The following CASP9 variants were observed in gnomAD, a reference collection of about 807,000 sequenced individuals.
CASP9 encodes the protein caspase 9.
In CASP9, 29 loss-of-function variants were observed where a neutral mutation model predicts 43.5. The ratio of observed to expected loss-of-function variants is 0.67; its 90% CI spans 0.50 to 0.91. CASP9 has a LOEUF of 0.91. CASP9 is among the 40% of genes least tolerant of loss of function. The pLI is 0.00. For missense variants in CASP9, 575 were observed against 537.4 expected, an observed-to-expected ratio of 1.07 and a Z score of -0.69; for synonymous variants, 206 against 211.9, an observed-to-expected ratio of 0.97 and a Z score of 0.24.
intron 6 of CASP9, among the ~76,000 whole-genome samples, chr1:15,501,781 T>TTATTTTG (rs1709341098): frequency 6.6e-6 from 1 of 152,168 alleles, no homozygotes; most frequent in South Asian, 2.1e-4. Context: ...TTTTTATTTT[T>TTATTTTG]TTAGAGACAG....
At chr1:15,504,452 C>T (rs1306067763) in intron 6 of CASP9, among the ~76,000 whole-genome samples, 159 bp downstream of exon 6, 3 of 152,324 alleles carry the variant, frequency 2.0e-5, no homozygotes, top group East Asian at 1.9e-4. Context: ...GGGCCTGCTC[C>T]AGCCAGACAG....
chr1:15,513,522 G>A (rs1709843746), intron 2 of CASP9, among the ~76,000 whole-genome samples: 1 of 152,070 alleles, frequency 6.6e-6, no homozygotes, highest in South Asian at 2.1e-4. Context: ...TCTCTGGTGG[G>A]TCCCCTAATG....
In CASP9 at chr1:15,504,654, C is replaced by T. The variant is rs373404655; in HGVS notation, c.825G>A (p.Leu275=). The change falls in exon 6 of 9, where the codon CTG becomes CTA. Residue 275 remains leucine, a synonymous_variant. Coordinates refer to ENST00000333868, the MANE Select transcript of CASP9 (RefSeq NM_001229.5). ...NIFNGTSCPS[L]GGKPKLFFIQ... Reference sequence around the variant, plus strand: ...TGAAAAAGAGCTTGGGCTTCCCTCCCAGGCTGGGGCAGCTGGTCCCATTGA... The same window carrying T: ...TGAAAAAGAGCTTGGGCTTCCCTCCTAGGCTGGGGCAGCTGGTCCCATTGA... 1.2e-6 allele frequency: 2 copies of T among 1,614,184 alleles called. No individual in the cohort carries two copies. The highest frequency in any genetic ancestry group is 8.5e-7 in the Non-Finnish European group (1 of 1,180,024).
chr1:15,517,985 T>A (rs778541797), intron 2 of CASP9, 125 bp downstream of exon 2: 5 of 1,187,874 alleles, frequency 4.2e-6, no homozygotes, highest in Admixed American at 2.0e-5. Context: ...TTGCCATCCC[T>A]ATGAACATTC....
At chr1:15,521,060 G>C (rs1046176286) in intron 1 of CASP9, among the ~76,000 whole-genome samples, 9 of 151,826 alleles carry the variant, frequency 5.9e-5, no homozygotes, top group African/African-American at 2.2e-4. Flanking sequence ...GGGAGGCTGA[G>C]GGAGGAGAAT....
chr1:15,520,770 G>A (rs547245778), intron 1 of CASP9, among the ~76,000 whole-genome samples: 5 of 152,298 alleles, frequency 3.3e-5, no homozygotes, highest in South Asian at 2.1e-4. Context: ...TGACCAACAC[G>A]GTGAAACCCG....
upstream of CASP9, chr1:15,524,829 A>C (rs1570887008): frequency 4.5e-6 from 4 of 882,538 alleles, no homozygotes; most frequent in African/African-American, 1.3e-4. Flanking sequence ...GCTCTGCGTC[A>C]TCGCCCCGCC....
Position 15,495,445 on chromosome 1 carries a change from T to C in CASP9, c.876A>G (p.Lys292=), listed in dbSNP as rs1709071639. The stretch of plus-strand genomic sequence containing the variant: ...TGGAGGCCACCTCAAACCCATGGTC[T>C]TTCTGCTCTGCAGGAAGCAGAAACA... The part of the protein sequence containing the change: ...FFIQACGGEQ[K]DHGFEVASTS... The change falls in exon 7 of 9, where the codon AAA becomes AAG. Residue 292 remains lysine, a synonymous_variant. Coordinates refer to ENST00000333868, the MANE Select transcript of CASP9 (RefSeq NM_001229.5). 1 of 1,588,854 alleles carries C rather than the reference T, an allele frequency of 6.3e-7. No individual in the cohort carries two copies. The highest frequency in any genetic ancestry group is 1.4e-5 in the African/African-American group (1 of 73,906).
chr1:15,508,021 G>A (rs1709591459), intron 2 of CASP9, 114 bp from the exon 3 acceptor site: 2 of 1,049,692 alleles, frequency 1.9e-6, no homozygotes, highest in Non-Finnish European at 2.9e-6. Context: ...CAGACCCTCA[G>A]ACTCTGCTGG....
At chr1:15,496,959 G>A (rs1709124322) in intron 6 of CASP9, among the ~76,000 whole-genome samples, 1 of 152,082 alleles carries the variant, frequency 6.6e-6, no homozygotes, top group Non-Finnish European at 1.5e-5. Context: ...AGGCTGCAGT[G>A]TGCAGTGATC....
chr1:15,516,841 C>T (rs1277264583), intron 2 of CASP9, among the ~76,000 whole-genome samples: 3 of 152,198 alleles, frequency 2.0e-5, no homozygotes, highest in African/African-American at 7.2e-5. Flanking sequence ...ATGGGGCTAC[C>T]CTGCAGAGCA....
In CASP9 at chr1:15,495,442, G is replaced by A; in HGVS notation, c.879C>T (p.Asp293=). The A allele has an allele frequency of 1.9e-6, 3 of 1,591,756 alleles. No homozygotes were observed. The highest frequency in any genetic ancestry group is 2.6e-6 in the Non-Finnish European group (3 of 1,169,826). Residue 293 remains aspartate, a synonymous_variant, in exon 7 of 9, where the codon GAC becomes GAT. Coordinates refer to ENST00000333868, the MANE Select transcript of CASP9 (RefSeq NM_001229.5). ...AAGTGGAGGCCACCTCAAACCCATG[G>A]TCTTTCTGCTCTGCAGGAAGCAGAA... ...FIQACGGEQK[D]HGFEVASTSP...
intron 5 of CASP9, 72 bp downstream of exon 5, chr1:15,505,918 A>G: frequency 8.5e-7 from 1 of 1,183,064 alleles, no homozygotes; most frequent in Non-Finnish European, 1.3e-6. Context: ...AAGAAGGGAC[A>G]TGGCCCCTGC....
In CASP9 at chr1:15,507,052, G is replaced by A; in HGVS notation, c.477C>T (p.Pro159=). The change falls in exon 4 of 9, where the codon CCC becomes CCT. Residue 159 remains proline (P), a synonymous_variant. Coordinates refer to ENST00000333868, the MANE Select transcript of CASP9 (RefSeq NM_001229.5). ...ADLAYILSME[P]CGHCLIINNV... is the part of the protein sequence containing the mutation. ...TGTTGATAATGAGGCAGTGGCCACA[G>A]GGCTCCATGCTCAGGATGTAAGCCT... The A allele has an allele frequency of 6.2e-7, 1 of 1,614,202 alleles. No individual in the cohort carries two copies. Among genetic ancestry groups the A allele is most frequent in the Non-Finnish European group, 8.5e-7 (1 of 1,180,024 alleles).
At chr1:15,494,911 G>C (rs1450985700) in intron 7 of CASP9, among the ~76,000 whole-genome samples, 1 of 149,242 alleles carries the variant, frequency 6.7e-6, no homozygotes, top group East Asian at 2.0e-4. Context: ...ACCGCTTGCT[G>C]CAACTACTAC....
At chr1:15,510,017 G>A (rs1439604389) in intron 2 of CASP9, among the ~76,000 whole-genome samples, 1 of 152,082 alleles carries the variant, frequency 6.6e-6, no homozygotes, top group Non-Finnish European at 1.5e-5. Flanking sequence ...TGCAACTTCT[G>A]CCTCCTGGGT....
chr1:15,524,210 C>T lies in CASP9; in HGVS notation c.-10G>A. 1.3e-6 allele frequency: 2 copies of T among 1,540,714 alleles called. No homozygotes were observed. The highest frequency in any genetic ancestry group is 1.7e-6 in the Non-Finnish European group (2 of 1,148,220). ...GATCCGCTTCGTCCATGGCGAGTAG[C>T]CAACTAAGACTCCAGGCCGCCTCAG... On this transcript the variant is annotated 5_prime_UTR_variant, in exon 1 of 9. Coordinates refer to ENST00000333868, the MANE Select transcript of CASP9 (RefSeq NM_001229.5).
chr1:15,503,810 G>A (rs952674015), intron 6 of CASP9, among the ~76,000 whole-genome samples: 3 of 152,206 alleles, frequency 2.0e-5, no homozygotes, highest in Admixed American at 1.3e-4. Flanking sequence ...GTTCCAGTCC[G>A]TGGAGAGCCT....
At chr1:15,493,445 C>T in intron 8 of CASP9, 1 of 1,257,170 alleles carries the variant, frequency 8.0e-7, no homozygotes, top group Non-Finnish European at 1.0e-6. Context: ...TCAGGCCACC[C>T]TTCCCTATCT....
Sources: gnomAD v4.1 joint callset for allele counts (sites outside exome capture counted in the v4.1 genomes callset) on GRCh38, gnomAD v4.1.1 for gene constraint, MANE v1.5 for transcripts, NCBI Gene and HGNC (gene_info 2026-07-23, HGNC 2026-07-21) for gene names.